ATP8A2: variants seen among roughly 807,000 people sequenced by gnomAD.
ATP8A2 encodes ATPase phospholipid transporting 8A2.
Under a neutral mutation model 165.6 loss-of-function variants are expected in ATP8A2, and 100 were observed. The ratio of observed to expected loss-of-function variants is 0.60; its 90% CI spans 0.51 to 0.71. The LOEUF (loss-of-function observed/expected upper bound fraction) is 0.71, where lower values mean the gene tolerates loss of function less well. ATP8A2 is among the 30% of genes least tolerant of loss of function. ATP8A2 has a pLI of 0.00. For missense variants in ATP8A2, 1,227 were observed against 1,479.5 expected, an observed-to-expected ratio of 0.83 and a Z score of 2.80; for synonymous variants, 543 against 548.8, an observed-to-expected ratio of 0.99 and a Z score of 0.15.
Position 25,637,489 on chromosome 13 carries a change from G to A in ATP8A2, c.2211+47790G>A, listed in dbSNP as rs143877766. The stretch of plus-strand genomic sequence containing the variant: ...CCATGCCTGGCTCAGAGGGTCCCAC[G>A]CCCACAGAGCCTCACTCATTGCTAG... On this transcript the variant is annotated intron_variant, in intron 24 of 36. Coordinates refer to ENST00000381655, the MANE Select transcript of ATP8A2 (RefSeq NM_016529.6). Among the ~76,000 whole-genome samples, 9 of 152,270 alleles carry A rather than the reference G, an allele frequency of 5.9e-5. 1 individual carries two copies. The South Asian group carries it at 8.3e-4, about 14-fold the overall frequency.
chr13:25,560,355 A>T lies in ATP8A2; in HGVS notation c.1397+590A>T, dbSNP rs1055539742. Among the ~76,000 whole-genome samples the T allele has an allele frequency of 3.9e-5, 6 of 152,186 alleles. No individual in the cohort carries two copies. The South Asian group carries it at 1.0e-3, about 26-fold the overall frequency. The stretch of plus-strand genomic sequence containing the variant: ...GCCAACCTCAGTGCTTTTGCTTTTT[A>T]AAAAATTTTATTTTTATATTTCAAA... On this transcript the variant is annotated intron_variant, in intron 15 of 36. Transcript: ENST00000381655.
chr13:25,527,385 G>T (rs1034380438), intron 2 of ATP8A2, among the ~76,000 whole-genome samples: 3 of 152,112 alleles, frequency 2.0e-5, no homozygotes, highest in Non-Finnish European at 4.4e-5. Flanking sequence ...ATCAGAATCT[G>T]CATTTTAATA....
chr13:25,794,060 G>T (rs947030849), intron 27 of ATP8A2, among the ~76,000 whole-genome samples: 1 of 152,130 alleles, frequency 6.6e-6, no homozygotes, highest in Non-Finnish European at 1.5e-5. Context: ...TATATTTTTC[G>T]TACTTGGTTG....
At chr13:25,998,915 C>T (rs562242539) in intron 35 of ATP8A2, among the ~76,000 whole-genome samples, 3 of 152,244 alleles carry the variant, frequency 2.0e-5, no homozygotes, top group African/African-American at 7.2e-5. Context: ...GAGCTTTTCT[C>T]TCTGGAAGAG....
chr13:25,933,793 G>A (rs1954822244), intron 33 of ATP8A2, among the ~76,000 whole-genome samples: 1 of 152,232 alleles, frequency 6.6e-6, no homozygotes, highest in African/African-American at 2.4e-5. Context: ...CATTTCAAGT[G>A]ACAAGGACTC....
At chr13:25,895,939 T>A (rs1953531312) in intron 33 of ATP8A2, among the ~76,000 whole-genome samples, 1 of 152,218 alleles carries the variant, frequency 6.6e-6, no homozygotes, top group Non-Finnish European at 1.5e-5. Flanking sequence ...TCTTTATTAG[T>A]CTTGCTAGCG....
chr13:25,907,228 C>A (rs183324835), intron 33 of ATP8A2, among the ~76,000 whole-genome samples: 1 of 151,554 alleles, frequency 6.6e-6, no homozygotes, highest in African/African-American at 2.4e-5. Context: ...CCAGCCTGGG[C>A]GACAGAGCGA....
At chr13:25,819,551 ATTG>A (rs1351595067) in intron 27 of ATP8A2, among the ~76,000 whole-genome samples, 1 of 151,782 alleles carries the variant, frequency 6.6e-6, no homozygotes, top group Admixed American at 6.6e-5. Flanking sequence ...TTTCTTGGGC[ATTG>A]TTTCATTTCC....
chr13:25,480,262 A>G (rs1170199030), intron 2 of ATP8A2, among the ~76,000 whole-genome samples: 5 of 137,428 alleles, frequency 3.6e-5, no homozygotes. Flanking sequence ...GGCGCCCCTT[A>G]CCTCCCGGAC....
intron 33 of ATP8A2, among the ~76,000 whole-genome samples, chr13:25,950,506 C>T (rs964228859): frequency 2.6e-5 from 4 of 152,198 alleles, no homozygotes; most frequent in African/African-American, 9.6e-5. Context: ...CCTCCTCACA[C>T]CCTGTTTAGG....
chr13:26,018,175 CT>C (rs1198355494), intron 36 of ATP8A2, among the ~76,000 whole-genome samples: 1 of 152,264 alleles, frequency 6.6e-6, no homozygotes, highest in African/African-American at 2.4e-5. Flanking sequence ...GATAACCCCC[CT>C]GAGCCTTTGG....
At chr13:25,664,702 T>C (rs543379601) in intron 24 of ATP8A2, among the ~76,000 whole-genome samples, 1 of 152,046 alleles carries the variant, frequency 6.6e-6, no homozygotes, top group Non-Finnish European at 1.5e-5. Flanking sequence ...TATAGAAAGA[T>C]CCCCAGAGAG....
intron 1 of ATP8A2, among the ~76,000 whole-genome samples, chr13:25,405,226 T>C (rs754670482): frequency 2.0e-5 from 3 of 152,080 alleles, no homozygotes; most frequent in Non-Finnish European, 4.4e-5. Flanking sequence ...AAGGCGCAGA[T>C]GCGAAAGTGT....
At chr13:25,988,937 T>A (rs1956326892) in intron 35 of ATP8A2, among the ~76,000 whole-genome samples, 1 of 152,236 alleles carries the variant, frequency 6.6e-6, no homozygotes, top group Non-Finnish European at 1.5e-5. Context: ...AGAGACAGCA[T>A]GAAGCAGGCA....
intron 16 of ATP8A2, among the ~76,000 whole-genome samples, chr13:25,566,299 G>T (rs2138150048): frequency 6.6e-6 from 1 of 150,834 alleles, no homozygotes; most frequent in Non-Finnish European, 1.5e-5. Context: ...CTTGGATTCT[G>T]ATCTTAGAGG....
intron 23 of ATP8A2, among the ~76,000 whole-genome samples, chr13:25,583,427 CT>C (rs1469720472): frequency 1.3e-5 from 2 of 152,034 alleles, no homozygotes; most frequent in Non-Finnish European, 2.9e-5. Context: ...AAGTGGTAAC[CT>C]TTCTTAGTTT....
At chr13:25,438,038 A>G (rs1309843486) in intron 1 of ATP8A2, among the ~76,000 whole-genome samples, 3 of 152,118 alleles carry the variant, frequency 2.0e-5, no homozygotes, top group African/African-American at 7.2e-5. Context: ...GTTCATAATT[A>G]TTTTTATTGT....
At chr13:25,797,401 A>G (rs1245357509) in intron 27 of ATP8A2, among the ~76,000 whole-genome samples, 3 of 152,362 alleles carry the variant, frequency 2.0e-5, no homozygotes, top group East Asian at 3.9e-4. Context: ...CATGTACCCC[A>G]TAAATATATA....
At chr13:25,688,732 T>A (rs893978614) in intron 24 of ATP8A2, among the ~76,000 whole-genome samples, 1 of 152,242 alleles carries the variant, frequency 6.6e-6, no homozygotes, top group Non-Finnish European at 1.5e-5. Flanking sequence ...AAGGTCCTGC[T>A]GGCAGGGCTT....
Sources: allele counts gnomAD v4.1 joint callset (sites outside exome capture counted in the v4.1 genomes callset), GRCh38; gene constraint gnomAD v4.1.1; transcripts MANE v1.5; gene names NCBI Gene and HGNC (gene_info 2026-07-23, HGNC 2026-07-21).